RBM26: variants seen among roughly 807,000 people sequenced by gnomAD.
RBM26 encodes the protein RNA binding motif protein 26, also known as RNA-binding protein 26.
RBM26 carries 30 observed loss-of-function variants against 123.6 expected under a neutral mutation model. The observed-to-expected ratio is 0.24, with a 90% CI of 0.18 to 0.33. The LOEUF is 0.33. Ranked by LOEUF, RBM26 falls within the 10% of genes least tolerant of loss-of-function variation. The pLI is 1.00. For synonymous variants in RBM26, 400 were observed against 404.4 expected, an observed-to-expected ratio of 0.99 and a Z score of 0.13; for missense variants, 947 against 1,203.6, an observed-to-expected ratio of 0.79 and a Z score of 3.15.
intron 8 of RBM26, 22 bp from the exon 9 acceptor site, chr13:79,365,740 T>G: frequency 6.3e-7 from 1 of 1,598,918 alleles, no homozygotes; most frequent in Non-Finnish European, 8.5e-7. Context: ...AAAACTGTAA[T>G]TAAAAAACAA....
At chr13:79,363,677 A>C (rs567548086) in intron 9 of RBM26, among the ~76,000 whole-genome samples, 2 of 152,198 alleles carry the variant, frequency 1.3e-5, no homozygotes, top group South Asian at 4.1e-4. Flanking sequence ...AACAATATGC[A>C]TTAAGAGCTG....
chr13:79,315,989 CT>C (rs1263203545), downstream of RBM26, among the ~76,000 whole-genome samples: 3 of 151,744 alleles, frequency 2.0e-5, no homozygotes, highest in Admixed American at 6.6e-5. Flanking sequence ...TTCCTGAGAT[CT>C]GGGAAAAGGA....
chr13:79,388,189 G>A (rs1348925513), intron 1 of RBM26, among the ~76,000 whole-genome samples: 4 of 152,150 alleles, frequency 2.6e-5, no homozygotes, highest in Non-Finnish European at 4.4e-5. Flanking sequence ...TCCGCCTCCC[G>A]GGTTCAAGCA....
Position 79,353,176 on chromosome 13 carries a change from G to A in RBM26, c.2035C>T (p.Pro679Ser). Residue 679 changes from proline (P) to serine (S), a missense_variant, in exon 14 of 22, where the codon CCA (proline) becomes TCA (serine). Physicochemically the swap from Pro to Ser is moderately conservative, Grantham distance 74. Transcript: ENST00000438737. ...VKDRLGFVSK[P>S]SVSATEKVLS... ...ACCTTTTCAGTTGCTGAAACAGATG[G>A]CTTTGATACAAAACCCAACCTGTCC... 10 of 1,592,410 alleles carry A rather than the reference G, an allele frequency of 6.3e-6. No homozygotes were observed. The highest frequency in any genetic ancestry group is 8.6e-6 in the Non-Finnish European group (10 of 1,168,532).
Position 79,365,720 on chromosome 13 carries a change from T to G in RBM26, c.1277-2A>C. On this transcript the variant is annotated splice_acceptor_variant, in intron 8 of 21. Coordinates refer to ENST00000438737, the MANE Select transcript of RBM26 (RefSeq NM_001366735.2). LOFTEE classifies it high-confidence loss of function. The stretch of plus-strand genomic sequence containing the variant: ...TGTAGCCATCTGTGTCATATGTATC[T>G]GGTAATACAAAAACTGTAATTAAAA... 1 of 1,605,988 alleles carries G rather than the reference T, an allele frequency of 6.2e-7. No individual in the cohort carries two copies. Among genetic ancestry groups the G allele is most frequent in the Non-Finnish European group, 8.5e-7 (1 of 1,177,790 alleles).
intron 1 of RBM26, among the ~76,000 whole-genome samples, chr13:79,392,601 A>G (rs1185715394): frequency 1.4e-5 from 2 of 147,358 alleles, no homozygotes; most frequent in African/African-American, 4.9e-5. Context: ...ATTTATATAT[A>G]TAAATAAACA....
chr13:79,366,706 T>C lies in RBM26; in HGVS notation c.1062A>G (p.Thr354=). The change falls in exon 7 of 22, where the codon ACA becomes ACG. Residue 354 remains threonine, a synonymous_variant. Coordinates refer to ENST00000438737, the MANE Select transcript of RBM26 (RefSeq NM_001366735.2). ...GGGGCCTGAGATTCACAGGTGGGGGTGTAAGAATTGGTGGAGGTGGGGGGA... is the reference window on the plus strand; with the variant it reads ...GGGGCCTGAGATTCACAGGTGGGGGCGTAAGAATTGGTGGAGGTGGGGGGA... ...PGLPPPPPIL[T]PPPVNLRPPV... is the part of the protein sequence containing the mutation. The C allele has an allele frequency of 6.3e-7, 1 of 1,582,862 alleles. No homozygotes were observed. The highest frequency in any genetic ancestry group is 8.6e-7 in the Non-Finnish European group (1 of 1,164,240).
chr13:79,376,120 T>C (rs933003294), intron 3 of RBM26: 1 of 152,156 alleles, frequency 6.6e-6, no homozygotes, highest in Non-Finnish European at 1.5e-5. Context: ...TTAACCAAGA[T>C]ATGTGTGACC....
downstream of RBM26, among the ~76,000 whole-genome samples, chr13:79,318,159 G>A (rs1469710173): frequency 6.6e-6 from 1 of 151,184 alleles, no homozygotes; most frequent in Non-Finnish European, 1.5e-5. Context: ...ATTTTGTGCA[G>A]TATCTTTGAG....
chr13:79,344,628 C>T lies in RBM26; in HGVS notation c.2184+41G>A, dbSNP rs3752996. On this transcript the variant is annotated intron_variant, in intron 15 of 21. Transcript: ENST00000438737. ...AAACACATACACAAGGAAAGCTTTC[C>T]TATATGCAAAAATTTTTTATACTAT... 2.9e-5 allele frequency: 45 copies of T among 1,570,344 alleles called. No homozygotes were observed. In the African/African-American group the frequency reaches 4.8e-4, roughly 17 times the overall value.
At chr13:79,396,089 G>A (rs1259341439) in intron 1 of RBM26, among the ~76,000 whole-genome samples, 1 of 152,132 alleles carries the variant, frequency 6.6e-6, no homozygotes, top group Non-Finnish European at 1.5e-5. Flanking sequence ...GGTAGTCAAA[G>A]GGGGAAAACA....
intron 3 of RBM26, among the ~76,000 whole-genome samples, chr13:79,373,215 T>A (rs1483321592): frequency 1.8e-5 from 2 of 111,108 alleles, no homozygotes; most frequent in African/African-American, 3.6e-5. Flanking sequence ...AATATATAAA[T>A]ATATATAAAT....
intron 9 of RBM26, among the ~76,000 whole-genome samples, chr13:79,364,971 A>G (rs1430396424): frequency 1.3e-5 from 2 of 152,096 alleles, no homozygotes; most frequent in African/African-American, 4.8e-5. Context: ...AAGATTACAA[A>G]TGATACAAAT....
At chr13:79,326,677 C>A (rs2068467810) in intron 20 of RBM26, among the ~76,000 whole-genome samples, 1 of 152,034 alleles carries the variant, frequency 6.6e-6, no homozygotes, top group African/African-American at 2.4e-5. Context: ...CAAATGAATT[C>A]TATTAAAATT....
chr13:79,324,796 T>C (rs1045826385), intron 20 of RBM26, among the ~76,000 whole-genome samples: 2 of 151,838 alleles, frequency 1.3e-5, no homozygotes, highest in Non-Finnish European at 2.9e-5. Flanking sequence ...AGAAAAAAAA[T>C]TCATCCAATT....
In RBM26 at chr13:79,406,079, C is replaced by T. The variant is rs1274469500; in HGVS notation, c.-305G>A. 4.3e-6 allele frequency: 1 copy of T among 233,598 alleles called. No homozygotes were observed. The highest frequency in any genetic ancestry group is 5.7e-5 in the Admixed American group (1 of 17,590). 14.5% of individuals were successfully genotyped at this position (233,598 alleles called of 1,614,324 possible). Reference sequence around the variant, plus strand: ...AAATCTACCCAGACCGGAAGCGCGACACGCGCTTAGACCCGAGCCTTCTCT... The same window carrying T: ...AAATCTACCCAGACCGGAAGCGCGATACGCGCTTAGACCCGAGCCTTCTCT... On this transcript the variant is annotated 5_prime_UTR_variant, in exon 1 of 22. Coordinates refer to ENST00000438737, the MANE Select transcript of RBM26 (RefSeq NM_001366735.2).
At chr13:79,351,897 T>C (rs2073295377) in intron 14 of RBM26, among the ~76,000 whole-genome samples, 1 of 152,112 alleles carries the variant, frequency 6.6e-6, no homozygotes, top group Non-Finnish European at 1.5e-5. Context: ...GTTAAGACAC[T>C]GCACCCAGAG....
chr13:79,400,863 A>G (rs938472746), intron 1 of RBM26, among the ~76,000 whole-genome samples: 3 of 152,246 alleles, frequency 2.0e-5, no homozygotes, highest in African/African-American at 7.2e-5. Flanking sequence ...AAGAAATTCT[A>G]TTCCAAGACA....
intron 1 of RBM26, 137 bp downstream of exon 1, chr13:79,405,567 G>A (rs2079460994): frequency 6.4e-6 from 3 of 467,668 alleles, no homozygotes; most frequent in Admixed American, 3.8e-5. Flanking sequence ...TGGACGAGGA[G>A]GAGAAGCCAC....
Sources: allele counts gnomAD v4.1 joint callset (sites outside exome capture counted in the v4.1 genomes callset), GRCh38; gene constraint gnomAD v4.1.1; transcripts MANE v1.5; gene names NCBI Gene and HGNC (gene_info 2026-07-23, HGNC 2026-07-21).